Variants in TBC1D5 observed in about 807,000 individuals in gnomAD.
TBC1D5 encodes TBC1 domain family member 5.
In TBC1D5, 75 loss-of-function variants were observed where a neutral mutation model predicts 100.3. That is an observed-to-expected ratio of 0.75 (90% CI 0.62 to 0.91). The LOEUF is 0.91. Among genes scored for constraint, TBC1D5 ranks in the 40% least tolerant of loss-of-function variants. The pLI is 0.00. For synonymous variants in TBC1D5, 323 were observed against 325.6 expected (o/e 0.99, Z 0.09); for missense variants, 910 against 942.4 (o/e 0.97, Z 0.45).
chr3:17,720,137 G>A (rs141143748), intron 1 of TBC1D5, among the ~76,000 whole-genome samples: 3 of 152,214 alleles, frequency 2.0e-5, no homozygotes, highest in East Asian at 1.9e-4. Flanking sequence ...AGATAAAGCC[G>A]TGTCGCTCTT....
chr3:17,199,969 A>G (rs2071256388), intron 18 of TBC1D5, among the ~76,000 whole-genome samples: 1 of 152,204 alleles, frequency 6.6e-6, no homozygotes, highest in East Asian at 1.9e-4. Flanking sequence ...GTGACCATGA[A>G]AGCCAGAAGT....
chr3:17,531,324 G>T (rs2096221496), intron 2 of TBC1D5, among the ~76,000 whole-genome samples: 1 of 152,052 alleles, frequency 6.6e-6, no homozygotes, highest in African/African-American at 2.4e-5. Context: ...ACTGCTCAAG[G>T]AAATAAAAAA....
intron 8 of TBC1D5, among the ~76,000 whole-genome samples, chr3:17,389,873 T>G (rs570033257): frequency 1.3e-5 from 2 of 152,266 alleles, no homozygotes; most frequent in East Asian, 1.9e-4. Context: ...CTAAATCTAT[T>G]AACTCATTAG....
At chr3:17,554,607 A>AAT (rs2096500361) in intron 2 of TBC1D5, among the ~76,000 whole-genome samples, 1 of 152,202 alleles carries the variant, frequency 6.6e-6, no homozygotes, top group East Asian at 1.9e-4. Flanking sequence ...GTTACTGACG[A>AAT]ATATATATAC....
chr3:17,374,283 C>T (rs1020623638), intron 12 of TBC1D5, among the ~76,000 whole-genome samples, 188 bp downstream of exon 12: 1 of 151,986 alleles, frequency 6.6e-6, no homozygotes, highest in Non-Finnish European at 1.5e-5. Flanking sequence ...TTACAATTGC[C>T]TTTGTGTATC....
chr3:17,243,985 C>T (rs1238555272), intron 16 of TBC1D5, among the ~76,000 whole-genome samples: 2 of 152,038 alleles, frequency 1.3e-5, no homozygotes, highest in Non-Finnish European at 2.9e-5. Flanking sequence ...CTGCAAAACC[C>T]GAGGAGTAAG....
chr3:17,651,925 C>T (rs2065616097), intron 1 of TBC1D5, among the ~76,000 whole-genome samples: 1 of 152,080 alleles, frequency 6.6e-6, no homozygotes, highest in East Asian at 1.9e-4. Flanking sequence ...AAAATGAGAA[C>T]GAAATAATGC....
At chr3:17,397,447 C>A (rs2093538066) in intron 8 of TBC1D5, among the ~76,000 whole-genome samples, 2 of 152,150 alleles carry the variant, frequency 1.3e-5, no homozygotes, top group South Asian at 4.1e-4. Context: ...CCACAGCTTA[C>A]TGCAGTCTCA....
At chr3:17,549,621 T>C (rs1373101527) in intron 2 of TBC1D5, among the ~76,000 whole-genome samples, 2 of 152,092 alleles carry the variant, frequency 1.3e-5, no homozygotes, top group Admixed American at 6.5e-5. Flanking sequence ...CAGTCACCCA[T>C]TCAATATAGT....
chr3:17,465,543 T>C (rs193013276), intron 3 of TBC1D5: 1 of 152,530 alleles, frequency 6.6e-6, no homozygotes, highest in Admixed American at 6.5e-5. Context: ...AATAAAGTTA[T>C]AAAATCACCA....
chr3:17,585,602 C>G (rs1372078832), intron 2 of TBC1D5, among the ~76,000 whole-genome samples: 1 of 152,126 alleles, frequency 6.6e-6, no homozygotes, highest in African/African-American at 2.4e-5. Context: ...GAAAAGGCAG[C>G]TTCACTGAGG....
chr3:17,186,429 C>A (rs916225854), intron 18 of TBC1D5, among the ~76,000 whole-genome samples: 6 of 152,078 alleles, frequency 3.9e-5, no homozygotes, highest in African/African-American at 1.4e-4. Flanking sequence ...AGAAGTAGTG[C>A]TGGGTGCAGT....
chr3:17,539,713 G>A (rs771750470), intron 2 of TBC1D5, among the ~76,000 whole-genome samples: 52 of 152,242 alleles, frequency 3.4e-4, no homozygotes, highest in Admixed American at 5.9e-4. Flanking sequence ...GAGACGAAGG[G>A]TTCATTCAGA....
At position 17,325,530 on chromosome 3, in the gene TBC1D5, G is replaced by A. The variant is rs144041939; in HGVS notation, c.996-17396C>T. 9.1e-3 allele frequency among the ~76,000 whole-genome samples: 1,381 copies of A among 152,182 alleles called. 20 individuals are homozygous for A. Among genetic ancestry groups the A allele is most frequent in the African/African-American group, 0.031 (1,306 of 41,524 alleles). On this transcript the variant is annotated intron_variant, in intron 13 of 21. Transcript: ENST00000253692. ...GTAGAGACAGGGTTTCACCATGTTG[G>A]CCAGGCTGGTCTTGAACTCCCAACC...
At chr3:17,276,378 T>G (rs1418648171) in intron 15 of TBC1D5, among the ~76,000 whole-genome samples, 1 of 152,172 alleles carries the variant, frequency 6.6e-6, no homozygotes. Flanking sequence ...CACAAACACC[T>G]AGACCCTAAC....
chr3:17,701,394 G>A (rs1323545290), intron 1 of TBC1D5, among the ~76,000 whole-genome samples: 2 of 152,126 alleles, frequency 1.3e-5, no homozygotes, highest in East Asian at 3.9e-4. Context: ...GCTGATGGGT[G>A]CAGCAAACCA....
intron 9 of TBC1D5, among the ~76,000 whole-genome samples, chr3:17,383,358 T>A (rs549427593): frequency 1.2e-4 from 18 of 151,964 alleles, no homozygotes; most frequent in African/African-American, 4.1e-4. Flanking sequence ...TAAATATATC[T>A]GTATATATTA....
intron 18 of TBC1D5, among the ~76,000 whole-genome samples, chr3:17,211,711 T>A (rs1485244151): frequency 6.6e-6 from 1 of 152,214 alleles, no homozygotes; most frequent in Non-Finnish European, 1.5e-5. Flanking sequence ...GTTTTCCAAG[T>A]AACAATATTT....
chr3:17,581,086 G>A (rs1576825365), intron 2 of TBC1D5, among the ~76,000 whole-genome samples: 1 of 152,100 alleles, frequency 6.6e-6, no homozygotes, highest in East Asian at 1.9e-4. Flanking sequence ...TCCCCATGCT[G>A]TTCTCGTGAT....
Sources: allele counts gnomAD v4.1 joint callset (sites outside exome capture counted in the v4.1 genomes callset), GRCh38; gene constraint gnomAD v4.1.1; transcripts MANE v1.5; gene names NCBI Gene and HGNC (gene_info 2026-07-23, HGNC 2026-07-21).